Variants in PIK3CB observed in about 807,000 individuals in gnomAD.
The protein encoded by PIK3CB is phosphatidylinositol 4,5-bisphosphate 3-kinase catalytic subunit beta isoform.
A neutral mutation model predicts 136.8 loss-of-function variants in PIK3CB; 39 were observed. The observed-to-expected ratio is 0.29, with a 90% CI of 0.22 to 0.37. PIK3CB has a LOEUF of 0.37. Among genes scored for constraint, PIK3CB ranks in the 10% least tolerant of loss-of-function variants. The probability of loss-of-function intolerance (pLI) is 1.00; values close to 1 mark genes in which losing one functional copy is unlikely to be tolerated. For synonymous variants in PIK3CB, 428 were observed against 436.6 expected, an observed-to-expected ratio of 0.98 and a Z score of 0.25; for missense variants, 868 against 1,275.4, an observed-to-expected ratio of 0.68 and a Z score of 4.87.
At chr3:138,785,292 G>C (rs575931763) in intron 2 of PIK3CB, among the ~76,000 whole-genome samples, 2 of 152,186 alleles carry the variant, frequency 1.3e-5, no homozygotes, top group African/African-American at 4.8e-5. Flanking sequence ...GGGCGCCTCT[G>C]CCAGGCCGCC....
At chr3:138,685,784 A>G (rs1293563965) in intron 16 of PIK3CB, among the ~76,000 whole-genome samples, 9 of 152,164 alleles carry the variant, frequency 5.9e-5, no homozygotes, top group African/African-American at 2.2e-4. Flanking sequence ...AAAAAAACTT[A>G]TGCAAGTAGT....
chr3:138,689,197 C>T (rs190347410), intron 15 of PIK3CB, among the ~76,000 whole-genome samples: 24 of 151,574 alleles, frequency 1.6e-4, no homozygotes, highest in Non-Finnish European at 3.1e-4. Flanking sequence ...CTCCACCCAC[C>T]GGGTTCAAGC....
intron 1 of PIK3CB, among the ~76,000 whole-genome samples, chr3:138,822,474 G>A (rs1409698800): frequency 1.3e-5 from 2 of 151,720 alleles, no homozygotes; most frequent in South Asian, 4.2e-4. Flanking sequence ...TGGAACCTGG[G>A]AGGTTCAGCC....
chr3:138,697,421 G>GATTTATTTATTTATTTATTT (rs61693073), intron 13 of PIK3CB, among the ~76,000 whole-genome samples: 64 of 150,780 alleles, frequency 4.2e-4, no homozygotes, highest in African/African-American at 5.9e-4. Flanking sequence ...TGTCTCCAAA[G>GATTTATTTATTTATTTATTT]ATTTATTTAT....
chr3:138,668,047 A>G (rs1156699316), intron 19 of PIK3CB, among the ~76,000 whole-genome samples: 1 of 151,964 alleles, frequency 6.6e-6, no homozygotes, highest in African/African-American at 2.4e-5. Flanking sequence ...CAGCCTGGGC[A>G]ATAAGAGCAA....
intron 12 of PIK3CB, among the ~76,000 whole-genome samples, chr3:138,703,441 T>C (rs1019990186): frequency 6.6e-6 from 1 of 152,056 alleles, no homozygotes; most frequent in Admixed American, 6.6e-5. Context: ...CTTTGCTAAA[T>C]AGACTTAAAA....
At chr3:138,777,295 G>C (rs1444953714) in intron 2 of PIK3CB, among the ~76,000 whole-genome samples, 1 of 152,122 alleles carries the variant, frequency 6.6e-6, no homozygotes. Flanking sequence ...AATACAGCAG[G>C]GGTAATGCTC....
rs78325504 is a variant in PIK3CB, at chr3:138,786,802, T to C, written c.-17+9661A>G. ...AGTATTGAGACCAACAAGGCAGCCATTTATATTACCCTTTATGTACTACTT... is the reference window on the plus strand; with the variant it reads ...AGTATTGAGACCAACAAGGCAGCCACTTATATTACCCTTTATGTACTACTT... On this transcript the variant is annotated intron_variant, in intron 2 of 23. Coordinates refer to ENST00000674063, the MANE Select transcript of PIK3CB (RefSeq NM_006219.3). 9.8e-3 allele frequency among the ~76,000 whole-genome samples: 1,498 copies of C among 152,308 alleles called. 34 individuals are homozygous for C. The highest frequency in any genetic ancestry group is 0.035 in the African/African-American group (1,435 of 41,558).
chr3:138,768,826 C>T (rs2045765711), intron 2 of PIK3CB, among the ~76,000 whole-genome samples: 1 of 152,258 alleles, frequency 6.6e-6, no homozygotes, highest in Admixed American at 6.5e-5. Context: ...TTGGCCCTGA[C>T]TCTGCTCCAA....
At position 138,693,966 on chromosome 3, in the gene PIK3CB, T is replaced by TTATA. The variant is rs1290359773; in HGVS notation, c.1892+816_1892+819dup. Among the ~76,000 whole-genome samples the TTATA allele has an allele frequency of 1.4e-3, 61 of 42,400 alleles. 1 individual carries two copies. Among genetic ancestry groups the TTATA allele is most frequent in the South Asian group, 2.9e-3 (3 of 1,028 alleles). The allele number at this position is 42,400 out of a possible 152,430, so 27.8% of individuals were successfully genotyped here. On this transcript the variant is annotated intron_variant, in intron 14 of 23. Coordinates refer to ENST00000674063, the MANE Select transcript of PIK3CB (RefSeq NM_006219.3). ...ATATATATATATATATATATATATA[T>TTATA]TATATATATATATATATATATATAT...
intron 1 of PIK3CB, among the ~76,000 whole-genome samples, chr3:138,809,232 T>C (rs1314783461): frequency 1.3e-5 from 2 of 151,424 alleles, no homozygotes; most frequent in African/African-American, 4.9e-5. Flanking sequence ...GAACCGAGAC[T>C]GCGCCACTGC....
At chr3:138,691,417 C>G (rs775188789) in intron 14 of PIK3CB, among the ~76,000 whole-genome samples, 1 of 152,112 alleles carries the variant, frequency 6.6e-6, no homozygotes, top group African/African-American at 2.4e-5. Context: ...GCTTTTGTCC[C>G]TACTCAAATC....
At chr3:138,708,470 A>T (rs2044426058) in intron 10 of PIK3CB, among the ~76,000 whole-genome samples, 1 of 151,916 alleles carries the variant, frequency 6.6e-6, no homozygotes, top group Admixed American at 6.6e-5. Context: ...CATGTTACCC[A>T]GGCTGGTCTT....
At chr3:138,797,684 G>A (rs1014795517) in intron 1 of PIK3CB, among the ~76,000 whole-genome samples, 1 of 152,138 alleles carries the variant, frequency 6.6e-6, no homozygotes, top group African/African-American at 2.4e-5. Context: ...GTTGATAGTG[G>A]GGGAAGCTAT....
intron 19 of PIK3CB, among the ~76,000 whole-genome samples, chr3:138,674,517 C>T (rs1559805344): frequency 6.6e-6 from 1 of 152,018 alleles, no homozygotes; most frequent in Non-Finnish European, 1.5e-5. Flanking sequence ...AATAAACAAA[C>T]AGCCACAACG....
chr3:138,703,718 A>G (rs2044306342), intron 12 of PIK3CB, among the ~76,000 whole-genome samples: 2 of 152,272 alleles, frequency 1.3e-5, no homozygotes, highest in East Asian at 1.9e-4. Flanking sequence ...TGGGAATAGT[A>G]TATGTGGCAG....
intron 1 of PIK3CB, among the ~76,000 whole-genome samples, chr3:138,814,529 CA>C (rs1344524029): frequency 6.6e-6 from 1 of 151,832 alleles, no homozygotes; most frequent in East Asian, 1.9e-4. Flanking sequence ...TTGGGAAGAC[CA>C]GGGCTATTTC....
intron 1 of PIK3CB, among the ~76,000 whole-genome samples, chr3:138,821,057 C>T (rs995225517): frequency 9.2e-5 from 14 of 151,496 alleles, no homozygotes; most frequent in East Asian, 2.0e-4. Flanking sequence ...GAGGCTGAGG[C>T]GGGCAGATCA....
At chr3:138,675,651 GA>G (rs2043628592) in intron 19 of PIK3CB, among the ~76,000 whole-genome samples, 1 of 152,132 alleles carries the variant, frequency 6.6e-6, no homozygotes, top group Non-Finnish European at 1.5e-5. Context: ...AAAGTGGGAT[GA>G]CATATTAGAC....
Sources: gnomAD v4.1 joint callset for allele counts (sites outside exome capture counted in the v4.1 genomes callset) on GRCh38, gnomAD v4.1.1 for gene constraint, MANE v1.5 for transcripts, NCBI Gene and HGNC (gene_info 2026-07-23, HGNC 2026-07-21) for gene names.